The following GRIK2 variants were observed in gnomAD, a reference collection of about 807,000 sequenced individuals.
GRIK2 encodes the protein glutamate ionotropic receptor kainate type subunit 2.
GRIK2 carries 32 observed loss-of-function variants against 100.3 expected under a neutral mutation model. The ratio of observed to expected loss-of-function variants is 0.32; its 90% CI spans 0.24 to 0.43. GRIK2 has a LOEUF of 0.43. Among genes scored for constraint, GRIK2 ranks in the 20% least tolerant of loss-of-function variants. The pLI is 1.00. For missense variants in GRIK2, 843 were observed against 1,114.9 expected, an observed-to-expected ratio of 0.76 and a Z score of 3.47; for synonymous variants, 417 against 389.4, an observed-to-expected ratio of 1.07 and a Z score of -0.83.
intron 7 of GRIK2, among the ~76,000 whole-genome samples, chr6:101,790,939 G>A (rs1779804718): frequency 6.6e-6 from 1 of 151,756 alleles, no homozygotes; most frequent in African/African-American, 2.4e-5. Flanking sequence ...GTCTTGGGAG[G>A]GTGTATATGT....
intron 7 of GRIK2, among the ~76,000 whole-genome samples, chr6:101,730,640 C>A (rs1052517984): frequency 1.3e-5 from 2 of 151,444 alleles, no homozygotes. Context: ...CACCTTTCAC[C>A]CTTTTTTGTT....
chr6:102,006,869 G>A (rs1215551380), intron 14 of GRIK2, among the ~76,000 whole-genome samples: 3 of 151,748 alleles, frequency 2.0e-5, no homozygotes, highest in African/African-American at 7.3e-5. Context: ...CATCATGTTC[G>A]TGTAACATAC....
intron 12 of GRIK2, among the ~76,000 whole-genome samples, chr6:101,893,779 C>A (rs17784615): frequency 0.084 from 12,687 of 151,586 alleles, 738 homozygotes; most frequent in Middle Eastern, 0.2. Flanking sequence ...CCCGTAAGTA[C>A]TAAGAGTTGT....
chr6:101,494,667 A>G (rs1773328907), intron 2 of GRIK2, among the ~76,000 whole-genome samples: 2 of 151,838 alleles, frequency 1.3e-5, no homozygotes, highest in Admixed American at 6.6e-5. Context: ...ATGGTGGCTC[A>G]TGCCTGTAAT....
chr6:101,703,850 CAG>C (rs1318557751), intron 7 of GRIK2, among the ~76,000 whole-genome samples: 6 of 150,634 alleles, frequency 4.0e-5, no homozygotes, highest in East Asian at 2.0e-4. Flanking sequence ...AAAAAGAAGA[CAG>C]AGTGTGGAAA....
chr6:101,441,214 G>T (rs1004764440), intron 2 of GRIK2, among the ~76,000 whole-genome samples: 2 of 151,972 alleles, frequency 1.3e-5, no homozygotes, highest in African/African-American at 4.8e-5. Context: ...ATGCAGGTTG[G>T]TCCTCGCTGT....
At chr6:101,670,459 C>A (rs1172024992) in intron 4 of GRIK2, among the ~76,000 whole-genome samples, 1 of 151,992 alleles carries the variant, frequency 6.6e-6, no homozygotes, top group African/African-American at 2.4e-5. Context: ...ATTTATTGTA[C>A]CTGATGGCTC....
intron 2 of GRIK2, among the ~76,000 whole-genome samples, chr6:101,470,537 C>G (rs968249510): frequency 1.2e-4 from 18 of 152,096 alleles, no homozygotes; most frequent in African/African-American, 3.9e-4. Flanking sequence ...GATAATTTTT[C>G]TTTCTTTTTT....
intron 12 of GRIK2, among the ~76,000 whole-genome samples, chr6:101,906,306 G>A (rs566446807): frequency 2.6e-5 from 4 of 151,272 alleles, no homozygotes; most frequent in East Asian, 1.9e-4. Flanking sequence ...AAGGACTTTT[G>A]TGTGAAAGAA....
intron 14 of GRIK2, among the ~76,000 whole-genome samples, chr6:101,990,160 AATAG>A (rs1471018955): frequency 1.6e-4 from 25 of 151,658 alleles, no homozygotes; most frequent in African/African-American, 6.0e-4. Flanking sequence ...CTGCCACCCT[AATAG>A]TACAGTGAGT....
At chr6:102,024,357 A>G (rs1157602266) in intron 14 of GRIK2, among the ~76,000 whole-genome samples, 1 of 151,326 alleles carries the variant, frequency 6.6e-6, no homozygotes, top group Non-Finnish European at 1.5e-5. Context: ...ATATAAAATC[A>G]GCAAGTACCA....
intron 7 of GRIK2, among the ~76,000 whole-genome samples, chr6:101,718,124 A>G (rs1052120579): frequency 4.6e-5 from 7 of 151,852 alleles, no homozygotes; most frequent in Non-Finnish European, 7.4e-5. Context: ...AATGTAATAA[A>G]AAATAATTGA....
At chr6:101,753,603 A>G (rs1000403994) in intron 7 of GRIK2, among the ~76,000 whole-genome samples, 6 of 152,040 alleles carry the variant, frequency 3.9e-5, no homozygotes, top group African/African-American at 1.4e-4. Context: ...TTTACTTTTA[A>G]AGGACTCTTT....
rs1792766703 is a variant in GRIK2 at position 101,967,555 on chromosome 6, G to C, written c.2085+38923G>C. Among the ~76,000 whole-genome samples the C allele has an allele frequency of 3.9e-5, 6 of 152,156 alleles. No homozygotes were observed. The South Asian group carries it at 1.2e-3, about 32-fold the overall frequency. ...ACCTTTCTCAATTTCAAACACAGTT[G>C]CATAGTCACAAAGACGACTTGTACC... On this transcript the variant is annotated intron_variant, in intron 14 of 16. Coordinates refer to ENST00000369134, the MANE Select transcript of GRIK2 (RefSeq NM_021956.5).
In GRIK2 at chr6:101,720,358, A is replaced by G. The variant is rs147710874; in HGVS notation, c.951+34005A>G. Reference sequence around the variant, plus strand: ...CTCTTCTTTATCTTTTATGTGTTCTATATTCTCATACCATATATGTTGAAT... The same window carrying G: ...CTCTTCTTTATCTTTTATGTGTTCTGTATTCTCATACCATATATGTTGAAT... On this transcript the variant is annotated intron_variant, in intron 7 of 16. Coordinates refer to ENST00000369134, the MANE Select transcript of GRIK2 (RefSeq NM_021956.5). Among the ~76,000 whole-genome samples the G allele has an allele frequency of 2.8e-3, 419 of 152,148 alleles. 1 individual carries two copies. The highest frequency in any genetic ancestry group is 4.5e-3 in the Non-Finnish European group (308 of 67,948).
intron 4 of GRIK2, among the ~76,000 whole-genome samples, chr6:101,644,617 T>G (rs965435956): frequency 6.6e-6 from 1 of 151,828 alleles, no homozygotes; most frequent in Non-Finnish European, 1.5e-5. Context: ...CAGTCTTGAT[T>G]TAGGCCTCAT....
At chr6:101,664,942 A>C (rs1327400975) in intron 4 of GRIK2, among the ~76,000 whole-genome samples, 1 of 152,160 alleles carries the variant, frequency 6.6e-6, no homozygotes, top group Non-Finnish European at 1.5e-5. Context: ...ACAGTATAGA[A>C]AAACCCACCC....
chr6:101,904,819 G>T (rs1276931195), intron 12 of GRIK2, among the ~76,000 whole-genome samples: 21 of 151,488 alleles, frequency 1.4e-4, no homozygotes, highest in Non-Finnish European at 1.5e-5. Flanking sequence ...TTGCAAGAAT[G>T]AAATTAGTTA....
At chr6:101,823,981 C>G (rs1397501905) in intron 10 of GRIK2, among the ~76,000 whole-genome samples, 1 of 151,674 alleles carries the variant, frequency 6.6e-6, no homozygotes, top group Admixed American at 6.6e-5. Flanking sequence ...GATTCTCCTG[C>G]CTCAGCCTCC....
Sources: allele counts gnomAD v4.1 joint callset (sites outside exome capture counted in the v4.1 genomes callset), GRCh38; gene constraint gnomAD v4.1.1; transcripts MANE v1.5; gene names NCBI Gene and HGNC (gene_info 2026-07-23, HGNC 2026-07-21).